CCSER1: variants seen among roughly 807,000 people sequenced by gnomAD.
CCSER1 encodes the protein coiled-coil serine rich protein 1, also known as serine-rich coiled-coil domain-containing protein 1.
In CCSER1, 41 loss-of-function variants were observed where a neutral mutation model predicts 82.0. The observed-to-expected ratio is 0.50, with a 90% CI of 0.39 to 0.65. CCSER1 has a LOEUF of 0.65. CCSER1 is among the 30% of genes least tolerant of loss of function. The pLI is 0.00. For synonymous variants in CCSER1, 414 were observed against 383.9 expected, an observed-to-expected ratio of 1.08 and a Z score of -0.92; for missense variants, 1,119 against 1,064.2, an observed-to-expected ratio of 1.05 and a Z score of -0.72.
At chr4:90,725,696 A>G (rs1336866189) in intron 7 of CCSER1, among the ~76,000 whole-genome samples, 1 of 151,792 alleles carries the variant, frequency 6.6e-6, no homozygotes. Flanking sequence ...TTAATGTTAC[A>G]TAAACACAAA....
intron 9 of CCSER1, among the ~76,000 whole-genome samples, chr4:91,081,731 C>A (rs1191106250): frequency 6.6e-6 from 1 of 152,162 alleles, no homozygotes; most frequent in Non-Finnish European, 1.5e-5. Flanking sequence ...GATACAAAAT[C>A]AATGTGCAAA....
At chr4:91,298,110 T>G (rs1477126790) in intron 10 of CCSER1, among the ~76,000 whole-genome samples, 1 of 151,768 alleles carries the variant, frequency 6.6e-6, no homozygotes, top group East Asian at 1.9e-4. Flanking sequence ...TAATAAAGAG[T>G]TTTACTATTA....
intron 10 of CCSER1, among the ~76,000 whole-genome samples, chr4:91,592,180 C>T (rs1220801520): frequency 1.3e-5 from 2 of 152,270 alleles, no homozygotes; most frequent in East Asian, 1.9e-4. Context: ...AACTTACTTA[C>T]AATCACGGTG....
At position 90,557,729 on chromosome 4, in the gene CCSER1, A is replaced by T. The variant is rs180679170; in HGVS notation, c.1725-70296A>T. ...CCTTCTTGGAAGGACAGTCTAGCAA[A>T]CTCTGAAGGTGTTTCTCAGTAAGGA... On this transcript the variant is annotated intron_variant, in intron 5 of 10. Transcript: ENST00000509176. 4.6e-4 allele frequency among the ~76,000 whole-genome samples: 70 copies of T among 152,192 alleles called. 1 individual carries two copies. The highest frequency in any genetic ancestry group is 1.6e-3 in the African/African-American group (65 of 41,546).
In CCSER1 at chr4:91,213,494, A is replaced by G. The variant is rs111909464; in HGVS notation, c.2217+127500A>G. On this transcript the variant is annotated intron_variant, in intron 10 of 10. Coordinates refer to ENST00000509176, the MANE Select transcript of CCSER1 (RefSeq NM_001145065.2). ...ATTCCAAATGAACTCTTTGCTAAAT[A>G]ATGAAGAATGCTTGTCCTCTGGCTA... is the stretch of plus-strand genomic sequence containing the variant. Among the ~76,000 whole-genome samples the G allele has an allele frequency of 9.5e-3, 1,440 of 152,272 alleles. 17 individuals carry two copies. The highest frequency in any genetic ancestry group is 0.033 in the African/African-American group (1,362 of 41,550).
At chr4:90,709,599 G>T (rs1315532694) in intron 6 of CCSER1, among the ~76,000 whole-genome samples, 2 of 152,102 alleles carry the variant, frequency 1.3e-5, no homozygotes, top group Admixed American at 6.6e-5. Context: ...CCATGTCCAT[G>T]TAAAGGGCAT....
chr4:90,780,385 C>A (rs1420486287), intron 7 of CCSER1: 45 of 1,555,692 alleles, frequency 2.9e-5, no homozygotes, highest in Non-Finnish European at 3.6e-5. Context: ...ATAATTCAAG[C>A]AAAATGCTGA....
At chr4:90,921,045 T>G (rs1414180430) in intron 8 of CCSER1, among the ~76,000 whole-genome samples, 2 of 151,694 alleles carry the variant, frequency 1.3e-5, no homozygotes, top group Non-Finnish European at 3.0e-5. Context: ...GAAATCAAAA[T>G]TATCTGCAAT....
rs1335334717 is a variant in CCSER1, at chr4:90,159,973, A to G, written c.-42+32142A>G. Among the ~76,000 whole-genome samples, 5 of 152,296 alleles carry G rather than the reference A, an allele frequency of 3.3e-5. No individual in the cohort carries two copies. The East Asian group carries it at 5.8e-4, about 18-fold the overall frequency. On this transcript the variant is annotated intron_variant, in intron 1 of 10. Transcript: ENST00000509176. ...CAACATGACTTTTCACTGTCAAGCA[A>G]TTTGCATATATTATATACTGTGCTT...
chr4:90,996,007 A>T lies in CCSER1; in HGVS notation c.2172+72560A>T, dbSNP rs534434784. Among the ~76,000 whole-genome samples the T allele has an allele frequency of 1.6e-3, 236 of 152,198 alleles. 1 individual carries two copies. The highest frequency in any genetic ancestry group is 5.5e-3 in the African/African-American group (228 of 41,560). ...TTGTCGAATCTATATTTAAATTTAGATGCATGGTTTATGCTCAAAATCATT... is the reference window on the plus strand; with the variant it reads ...TTGTCGAATCTATATTTAAATTTAGTTGCATGGTTTATGCTCAAAATCATT... On this transcript the variant is annotated intron_variant, in intron 9 of 10. Transcript: ENST00000509176.
intron 1 of CCSER1, among the ~76,000 whole-genome samples, chr4:90,207,874 C>T (rs1047174141): frequency 1.3e-5 from 2 of 152,284 alleles, no homozygotes; most frequent in Middle Eastern, 3.4e-3. Flanking sequence ...CTGGAAGCTT[C>T]GTCCTAGAGG....
chr4:90,131,439 A>G (rs1205498647), intron 1 of CCSER1, among the ~76,000 whole-genome samples: 6 of 152,202 alleles, frequency 3.9e-5, no homozygotes, highest in Admixed American at 2.0e-4. Context: ...ACACCTCTTT[A>G]TAGTGAGGTG....
intron 10 of CCSER1, among the ~76,000 whole-genome samples, chr4:91,521,323 A>G (rs529623393): frequency 6.6e-6 from 1 of 152,242 alleles, no homozygotes; most frequent in South Asian, 2.1e-4. Flanking sequence ...TATTGTGAAT[A>G]GTGCCGCAAT....
At chr4:90,912,887 A>G (rs954900137) in intron 8 of CCSER1, among the ~76,000 whole-genome samples, 4 of 152,248 alleles carry the variant, frequency 2.6e-5, no homozygotes, top group African/African-American at 9.6e-5. Context: ...AAAGGGTATC[A>G]GTGATGGAAG....
At chr4:90,280,943 A>G (rs1036424399) in intron 1 of CCSER1, among the ~76,000 whole-genome samples, 1 of 151,998 alleles carries the variant, frequency 6.6e-6, no homozygotes, top group Non-Finnish European at 1.5e-5. Context: ...GTTAATTCAT[A>G]TATAAAGTTA....
intron 10 of CCSER1, among the ~76,000 whole-genome samples, chr4:91,453,117 A>G (rs1023572472): frequency 2.0e-5 from 3 of 152,044 alleles, no homozygotes; most frequent in Non-Finnish European, 4.4e-5. Context: ...ATAGGTTATG[A>G]TTTATACATT....
chr4:90,233,422 A>G (rs1200305916), intron 1 of CCSER1, among the ~76,000 whole-genome samples: 1 of 152,104 alleles, frequency 6.6e-6, no homozygotes, highest in Admixed American at 6.6e-5. Context: ...GAATTGAACA[A>G]TGAGAACACA....
intron 5 of CCSER1, among the ~76,000 whole-genome samples, chr4:90,564,243 T>TA (rs112346043): frequency 0.15 from 22,136 of 152,030 alleles, 4,702 homozygotes; most frequent in African/African-American, 0.47. Flanking sequence ...TTCATAGAGA[T>TA]GGGGGTCTCA....
At chr4:90,552,395 A>T (rs1433600880) in intron 5 of CCSER1, among the ~76,000 whole-genome samples, 2 of 152,228 alleles carry the variant, frequency 1.3e-5, no homozygotes, top group Admixed American at 6.5e-5. Context: ...TAGAAATATG[A>T]TATAAATTTG....
Sources: allele counts gnomAD v4.1 joint callset (sites outside exome capture counted in the v4.1 genomes callset), GRCh38; gene constraint gnomAD v4.1.1; transcripts MANE v1.5; gene names NCBI Gene and HGNC (gene_info 2026-07-23, HGNC 2026-07-21).